CHCHD6: variants seen among roughly 807,000 people sequenced by gnomAD.
CHCHD6 encodes coiled-coil-helix-coiled-coil-helix domain containing 6, also known as MICOS complex subunit MIC25.
Under a neutral mutation model 32.3 loss-of-function variants are expected in CHCHD6, and 28 were observed. The ratio of observed to expected loss-of-function variants is 0.87; its 90% confidence interval spans 0.64 to 1.19. The LOEUF (loss-of-function observed/expected upper bound fraction) is 1.19. Ranked by LOEUF, CHCHD6 falls within the 50% of genes most tolerant of loss-of-function variation. The pLI, the probability that CHCHD6 is intolerant of heterozygous loss-of-function variation, is 0.00. For synonymous variants in CHCHD6, 122 were observed against 117.5 expected (o/e 1.04, Z -0.25); for missense variants, 333 against 307.0 (o/e 1.08, Z -0.63).
chr3:126,763,769 A>G (rs545458459), intron 4 of CHCHD6, among the ~76,000 whole-genome samples: 45 of 152,324 alleles, frequency 3.0e-4, no homozygotes, highest in African/African-American at 1.1e-3. Flanking sequence ...CTGCCAATTC[A>G]TGGAGACAGA....
intron 5 of CHCHD6, among the ~76,000 whole-genome samples, chr3:126,861,366 C>T (rs1031992558): frequency 6.6e-6 from 1 of 151,992 alleles, no homozygotes; most frequent in Non-Finnish European, 1.5e-5. Flanking sequence ...TTACTCCTTA[C>T]TGAACTTCAC....
At chr3:126,792,227 A>AG (rs1938580525) in intron 4 of CHCHD6, among the ~76,000 whole-genome samples, 1 of 148,970 alleles carries the variant, frequency 6.7e-6, no homozygotes, top group Non-Finnish European at 1.5e-5. Flanking sequence ...ATATATACTT[A>AG]GAATATATAT....
intron 4 of CHCHD6, among the ~76,000 whole-genome samples, chr3:126,801,411 C>A (rs925912388): frequency 1.3e-5 from 2 of 152,128 alleles, no homozygotes; most frequent in Non-Finnish European, 2.9e-5. Flanking sequence ...GAGATTATAT[C>A]CCGCACCTGG....
At chr3:126,957,668 G>A (rs2078806193) in intron 7 of CHCHD6, 117 bp downstream of exon 7, 4 of 1,239,012 alleles carry the variant, frequency 3.2e-6, no homozygotes. Flanking sequence ...TGCTCCACTT[G>A]GAGGTCTCTG....
chr3:126,889,363 C>A (rs2077724352), intron 5 of CHCHD6, among the ~76,000 whole-genome samples: 1 of 152,184 alleles, frequency 6.6e-6, no homozygotes, highest in African/African-American at 2.4e-5. Flanking sequence ...TGCTTCCATA[C>A]CTGCAGAACT....
intron 4 of CHCHD6, among the ~76,000 whole-genome samples, chr3:126,774,407 A>T (rs1312730463): frequency 3.9e-5 from 6 of 152,210 alleles, no homozygotes; most frequent in Non-Finnish European, 8.8e-5. Context: ...CTCAGAAGTT[A>T]TATCTTGTGT....
chr3:126,893,531 G>A (rs531714166), intron 5 of CHCHD6, among the ~76,000 whole-genome samples: 1 of 152,322 alleles, frequency 6.6e-6, no homozygotes, highest in South Asian at 2.1e-4. Context: ...TGCGATAAAA[G>A]CCATTAATCC....
chr3:126,864,160 T>TCCC, intron 5 of CHCHD6, among the ~76,000 whole-genome samples: 1 of 116,048 alleles, frequency 8.6e-6, no homozygotes, highest in African/African-American at 3.4e-5. Flanking sequence ...CATCACCTTC[T>TCCC]CCACCATCAC....
rs527662716 is a variant in CHCHD6 at position 126,927,250 on chromosome 3, G to A, written c.566+12500G>A. ...GGGAGGCTCCTGACCAAGGCATGGG[G>A]CATGCGCTGAACATGAGCATCAGGA... On this transcript the variant is annotated intron_variant, in intron 6 of 7. Coordinates refer to ENST00000290913, the MANE Select transcript of CHCHD6 (RefSeq NM_032343.3). 8.5e-5 allele frequency among the ~76,000 whole-genome samples: 13 copies of A among 152,332 alleles called. No individual in the cohort carries two copies. In the South Asian group the frequency reaches 2.1e-3, roughly 24 times the overall value.
chr3:126,908,815 G>A (rs570116612), intron 5 of CHCHD6, among the ~76,000 whole-genome samples: 16 of 152,318 alleles, frequency 1.1e-4, no homozygotes, highest in Non-Finnish European at 2.1e-4. Flanking sequence ...ATTGTCATTC[G>A]ATTCCCACAA....
chr3:126,722,524 G>T (rs1227926641), intron 1 of CHCHD6, among the ~76,000 whole-genome samples: 1 of 152,090 alleles, frequency 6.6e-6, no homozygotes, highest in Non-Finnish European at 1.5e-5. Flanking sequence ...CCTTATTGTG[G>T]TTTAAACCCG....
intron 6 of CHCHD6, among the ~76,000 whole-genome samples, chr3:126,948,329 C>T (rs2078668638): frequency 6.6e-6 from 1 of 152,206 alleles, no homozygotes; most frequent in Non-Finnish European, 1.5e-5. Flanking sequence ...TGTTGCAGCC[C>T]CTCCTAGGCT....
chr3:126,813,894 G>C (rs372285101), intron 4 of CHCHD6, among the ~76,000 whole-genome samples: 1 of 152,242 alleles, frequency 6.6e-6, no homozygotes, highest in Non-Finnish European at 1.5e-5. Flanking sequence ...CTGTGGAGAA[G>C]CTATTAGTTC....
At chr3:126,729,996 A>C (rs1300316740) in intron 2 of CHCHD6, among the ~76,000 whole-genome samples, 2 of 152,170 alleles carry the variant, frequency 1.3e-5, no homozygotes, top group Non-Finnish European at 2.9e-5. Context: ...ATTCGTGATG[A>C]TCAAAAGGGA....
Position 126,730,573 on chromosome 3 carries a change from C to G in CHCHD6, c.209C>G (p.Pro70Arg). ...LRAPHKESTL[P>R]RSGSSGGQQP... ...CTTTCCTTTGCAGAATCCACACTGC[C>G]CAGGTCGGGGAGCAGTGGTGGCCAG... The change falls in exon 3 of 8, where the codon CCC becomes CGC. Residue 70 changes from proline (P) to arginine (R), a missense_variant. Coordinates refer to ENST00000290913, the MANE Select transcript of CHCHD6 (RefSeq NM_032343.3). The G allele has an allele frequency of 1.2e-6, 2 of 1,613,732 alleles. No homozygotes were observed. Among genetic ancestry groups the G allele is most frequent in the South Asian group, 2.2e-5 (2 of 91,022 alleles).
chr3:126,845,579 A>C (rs1941268546), intron 4 of CHCHD6, among the ~76,000 whole-genome samples: 2 of 152,130 alleles, frequency 1.3e-5, no homozygotes, highest in Non-Finnish European at 1.5e-5. Context: ...ACTCCAATTA[A>C]ATATATGCTT....
intron 5 of CHCHD6, among the ~76,000 whole-genome samples, chr3:126,853,266 A>C (rs527286560): frequency 8.2e-4 from 124 of 151,912 alleles, no homozygotes; most frequent in Middle Eastern, 6.8e-3. Context: ...AAAAAAAAAA[A>C]AAAAAACCCC....
intron 4 of CHCHD6, among the ~76,000 whole-genome samples, chr3:126,842,121 G>A (rs936161422): frequency 2.0e-5 from 3 of 152,206 alleles, no homozygotes; most frequent in Non-Finnish European, 2.9e-5. Flanking sequence ...AGGCATGGCA[G>A]CATGCGCCTG....
At chr3:126,748,595 CAAAA>C (rs11378109) in intron 4 of CHCHD6, among the ~76,000 whole-genome samples, 24 of 85,354 alleles carry the variant, frequency 2.8e-4, no homozygotes, top group Admixed American at 1.2e-3. Context: ...ACTACATCTC[CAAAA>C]AAAAAAAAAA....
Sources: gnomAD v4.1 joint callset for allele counts (sites outside exome capture counted in the v4.1 genomes callset) on GRCh38, gnomAD v4.1.1 for gene constraint, MANE v1.5 for transcripts, NCBI Gene and HGNC (gene_info 2026-07-23, HGNC 2026-07-21) for gene names.